COL25A1: variants seen among roughly 807,000 people sequenced by gnomAD.
COL25A1 encodes collagen alpha-1(XXV) chain.
Under a neutral mutation model 128.4 loss-of-function variants are expected in COL25A1, and 103 were observed. The ratio of observed to expected loss-of-function variants is 0.80; its 90% CI spans 0.68 to 0.94. The LOEUF is 0.94. COL25A1 is among the 40% of genes least tolerant of loss of function. The probability of loss-of-function intolerance (pLI) is 0.00; values close to 1 mark genes in which losing one functional copy is unlikely to be tolerated. For synonymous variants in COL25A1, 279 were observed against 277.2 expected (o/e 1.01, Z -0.06); for missense variants, 745 against 840.0 (o/e 0.89, Z 1.40).
At chr4:108,882,429 A>C (rs1294846307) in intron 19 of COL25A1, among the ~76,000 whole-genome samples, 2 of 152,142 alleles carry the variant, frequency 1.3e-5, no homozygotes, top group Non-Finnish European at 2.9e-5. Context: ...TTACTGCAGC[A>C]ACCTGCTTCA....
intron 6 of COL25A1, among the ~76,000 whole-genome samples, chr4:108,985,413 T>G (rs1290995866): frequency 6.6e-6 from 1 of 152,222 alleles, no homozygotes; most frequent in Non-Finnish European, 1.5e-5. Context: ...TAATGTCTTG[T>G]CTTCTTCCTC....
intron 3 of COL25A1, among the ~76,000 whole-genome samples, chr4:109,151,314 C>T (rs1356762860): frequency 1.3e-5 from 2 of 152,202 alleles, no homozygotes; most frequent in Non-Finnish European, 2.9e-5. Context: ...AGAACCTCCT[C>T]AGACTGCTGA....
intron 6 of COL25A1, among the ~76,000 whole-genome samples, chr4:108,974,962 G>T (rs1752287880): frequency 6.6e-6 from 1 of 152,074 alleles, no homozygotes; most frequent in Non-Finnish European, 1.5e-5. Flanking sequence ...GTCTGTTTTT[G>T]TACTTCATGT....
chr4:108,974,589 A>C (rs971654685), intron 6 of COL25A1, 30 bp from the exon 7 acceptor site: 2 of 1,566,472 alleles, frequency 1.3e-6, no homozygotes, highest in Non-Finnish European at 8.7e-7. Flanking sequence ...AAAAAATTTT[A>C]ATTAAAAAAA....
chr4:108,899,011 A>ATATATATC, intron 15 of COL25A1, 143 bp downstream of exon 15: 1 of 585,876 alleles, frequency 1.7e-6, no homozygotes, highest in East Asian at 2.8e-5. Flanking sequence ...ATATATCTAT[A>ATATATATC]TACCTACCTA....
At chr4:108,861,262 C>T (rs1737182897) in intron 22 of COL25A1, among the ~76,000 whole-genome samples, 1 of 152,172 alleles carries the variant, frequency 6.6e-6, no homozygotes, top group Non-Finnish European at 1.5e-5. Flanking sequence ...CAAGTGGTTT[C>T]TATGGCACCC....
intron 6 of COL25A1, among the ~76,000 whole-genome samples, chr4:108,995,767 C>T (rs1296114999): frequency 6.6e-6 from 1 of 152,176 alleles, no homozygotes. Context: ...AACAGTGGAT[C>T]TCTCGGCAGA....
At chr4:109,243,574 G>A (rs1008852646) in intron 3 of COL25A1, among the ~76,000 whole-genome samples, 1 of 152,004 alleles carries the variant, frequency 6.6e-6, no homozygotes, top group Non-Finnish European at 1.5e-5. Context: ...ACCTGGTGAA[G>A]GGAAGACTGA....
chr4:109,231,553 C>T (rs1020624596), intron 3 of COL25A1, among the ~76,000 whole-genome samples: 4 of 152,128 alleles, frequency 2.6e-5, no homozygotes, highest in African/African-American at 4.8e-5. Context: ...TTTTACATGA[C>T]GTGAGGTGTG....
intron 3 of COL25A1, among the ~76,000 whole-genome samples, chr4:109,254,505 A>ATGTGTG (rs1553968414): frequency 3.8e-5 from 4 of 105,012 alleles, no homozygotes; most frequent in East Asian, 6.1e-4. Context: ...ATATATATAT[A>ATGTGTG]TGTATGTGTG....
chr4:109,255,891 A>C (rs1781046224), intron 3 of COL25A1, among the ~76,000 whole-genome samples: 1 of 152,216 alleles, frequency 6.6e-6, no homozygotes, highest in Admixed American at 6.5e-5. Flanking sequence ...TTAGTAAGTT[A>C]AGTAAAATGA....
intron 3 of COL25A1, among the ~76,000 whole-genome samples, chr4:109,295,799 T>A (rs1048598295): frequency 6.6e-6 from 1 of 152,120 alleles, no homozygotes; most frequent in African/African-American, 2.4e-5. Context: ...CATTTATGAA[T>A]CTTGCTTGCC....
At chr4:109,295,884 A>C (rs960079258) in intron 3 of COL25A1, among the ~76,000 whole-genome samples, 1 of 151,976 alleles carries the variant, frequency 6.6e-6, no homozygotes, top group Non-Finnish European at 1.5e-5. Context: ...GTATAGAGAG[A>C]CCTCAGAAGT....
intron 3 of COL25A1, among the ~76,000 whole-genome samples, chr4:109,289,659 G>A (rs1724266604): frequency 6.6e-6 from 1 of 152,102 alleles, no homozygotes; most frequent in African/African-American, 2.4e-5. Flanking sequence ...TCAACAGAAT[G>A]GAGGCAAAAT....
At chr4:109,018,036 A>C (rs2126059096) in intron 5 of COL25A1, among the ~76,000 whole-genome samples, 1 of 152,160 alleles carries the variant, frequency 6.6e-6, no homozygotes, top group South Asian at 2.1e-4. Context: ...TGAGATGTCA[A>C]GCTTATTTTT....
At chr4:109,248,559 CT>C (rs149402682) in intron 3 of COL25A1, among the ~76,000 whole-genome samples, 6,984 of 152,250 alleles carry the variant, frequency 0.046, 310 homozygotes, top group African/African-American at 0.11. Flanking sequence ...GAATCAGCAT[CT>C]TCCTATTTTC....
intron 3 of COL25A1, among the ~76,000 whole-genome samples, chr4:109,125,113 A>T (rs1768466560): frequency 6.6e-6 from 1 of 152,130 alleles, no homozygotes; most frequent in Non-Finnish European, 1.5e-5. Flanking sequence ...TTTCTGATAG[A>T]ATCTATGTCT....
chr4:108,928,500 T>TTTTATTTA (rs1008278458), intron 11 of COL25A1, among the ~76,000 whole-genome samples: 2 of 126,120 alleles, frequency 1.6e-5, no homozygotes, highest in African/African-American at 2.9e-5. Flanking sequence ...GAATTTTTAA[T>TTTTATTTA]TTTATTTATT....
Position 109,134,238 on chromosome 4 carries a change from G to A in COL25A1, c.368-84059C>T, listed in dbSNP as rs1011522450. Among the ~76,000 whole-genome samples, 8 of 151,366 alleles carry A rather than the reference G, an allele frequency of 5.3e-5. No individual in the cohort carries two copies. The South Asian group carries it at 6.3e-4, about 12-fold the overall frequency. ...AGGTAATGAGGAGTCTTTAAGAGTC[G>A]TAAGTAGGAGATGATAGGTTTTTAT... On this transcript the variant is annotated intron_variant, in intron 3 of 37. Coordinates refer to ENST00000399132, the MANE Select transcript of COL25A1 (RefSeq NM_198721.4).
Sources: allele counts gnomAD v4.1 joint callset (sites outside exome capture counted in the v4.1 genomes callset), GRCh38; gene constraint gnomAD v4.1.1; transcripts MANE v1.5; gene names NCBI Gene and HGNC (gene_info 2026-07-23, HGNC 2026-07-21).